The following TAB2 variants were observed in gnomAD, a reference collection of about 807,000 sequenced individuals.
The protein encoded by TAB2 is TGF-beta-activated kinase 1 and MAP3K7-binding protein 2.
Under a neutral mutation model 65.0 loss-of-function variants are expected in TAB2, and 3 were observed. The ratio of observed to expected loss-of-function variants is 0.05; its 90% CI spans 0.02 to 0.12. The LOEUF (loss-of-function observed/expected upper bound fraction) is 0.12. Ranked by LOEUF, TAB2 falls within the 10% of genes least tolerant of loss-of-function variation. The pLI is 1.00. For synonymous variants in TAB2, 298 were observed against 285.1 expected (o/e 1.05, Z -0.46); for missense variants, 623 against 840.3 (o/e 0.74, Z 3.20).
intron 1 of TAB2, among the ~76,000 whole-genome samples, chr6:149,285,305 G>A (rs113260113): frequency 0.044 from 6,762 of 152,272 alleles, 182 homozygotes; most frequent in Non-Finnish European, 0.069. Context: ...GGTAAAGAGA[G>A]AAAGCTAGAA....
At chr6:149,293,155 T>C (rs1436066010) in intron 1 of TAB2, among the ~76,000 whole-genome samples, 1 of 152,200 alleles carries the variant, frequency 6.6e-6, no homozygotes, top group Non-Finnish European at 1.5e-5. Flanking sequence ...ATTAGAAAAC[T>C]TCTGATTTCT....
exon 1 of TAB2, chr6:149,218,754 A>G (rs570940833): frequency 1.1e-5 from 5 of 456,184 alleles, no homozygotes; most frequent in African/African-American, 8.0e-5. Flanking sequence ...TATTCCTCCA[A>G]AGCAAACCAA....
At chr6:149,339,844 C>T (rs886280265) in intron 1 of TAB2, among the ~76,000 whole-genome samples, 1 of 151,992 alleles carries the variant, frequency 6.6e-6, no homozygotes, top group Non-Finnish European at 1.5e-5. Context: ...CTCAGGTGAT[C>T]CACCCGCCTC....
intron 1 of TAB2, among the ~76,000 whole-genome samples, chr6:149,301,990 T>C (rs77370142): frequency 1.4e-4 from 21 of 152,236 alleles, no homozygotes; most frequent in Admixed American, 9.2e-4. Context: ...AAATTAAGCC[T>C]ATCTCCAAAA....
At chr6:149,291,988 T>C (rs1280929220) in intron 1 of TAB2, among the ~76,000 whole-genome samples, 1 of 152,208 alleles carries the variant, frequency 6.6e-6, no homozygotes, top group Non-Finnish European at 1.5e-5. Flanking sequence ...CCCTTGAAAG[T>C]TTATAGTCTA....
At chr6:149,373,746 A>G (rs1386370798) in intron 2 of TAB2, among the ~76,000 whole-genome samples, 2 of 152,206 alleles carry the variant, frequency 1.3e-5, no homozygotes, top group African/African-American at 2.4e-5. Context: ...GTGATTTTCC[A>G]CCTTCTAAAA....
intron 1 of TAB2, among the ~76,000 whole-genome samples, chr6:149,339,589 ATTTATTTATTTATTTATT>A (rs1780041049): frequency 6.4e-5 from 2 of 31,442 alleles, no homozygotes; most frequent in Non-Finnish European, 1.2e-4. Context: ...AATCTTTTTT[ATTTATTTATTTATTTATT>A]TTTTTTTTTT....
chr6:149,230,404 C>T lies in TAB2; in HGVS notation c.-121+11628C>T, dbSNP rs1401937404. Among the ~76,000 whole-genome samples the T allele has an allele frequency of 2.0e-5, 3 of 152,278 alleles. No individual in the cohort carries two copies. The East Asian group carries it at 5.8e-4, about 29-fold the overall frequency. ...AGCTCCACAAGTCTGAGAATCACAG[C>T]TTTTATGCCCAGTAAGTCCACGCTT... On this transcript the variant is annotated intron_variant, in intron 1 of 1. Transcript: ENST00000606202.
chr6:149,274,115 T>G (rs1260360875), intron 1 of TAB2, among the ~76,000 whole-genome samples: 1 of 152,196 alleles, frequency 6.6e-6, no homozygotes, highest in African/African-American at 2.4e-5. Context: ...AATCCATAAC[T>G]CAAAAGTGTG....
chr6:149,337,528 A>T (rs1779970952), intron 1 of TAB2, among the ~76,000 whole-genome samples: 1 of 152,174 alleles, frequency 6.6e-6, no homozygotes, highest in African/African-American at 2.4e-5. Context: ...GTTTTGTTTC[A>T]GTTACAGAAT....
chr6:149,399,440 C>G (rs1782290357), intron 6 of TAB2, among the ~76,000 whole-genome samples: 3 of 151,944 alleles, frequency 2.0e-5, no homozygotes, highest in African/African-American at 7.3e-5. Flanking sequence ...CCAATAATAG[C>G]AAGTCTTGGT....
intron 1 of TAB2, among the ~76,000 whole-genome samples, chr6:149,274,711 C>T (rs373110765): frequency 9.8e-5 from 15 of 152,292 alleles, no homozygotes; most frequent in African/African-American, 3.6e-4. Flanking sequence ...GAGTTCCAGA[C>T]AAAGTGAGGA....
At chr6:149,290,916 C>A (rs1002846116) in intron 1 of TAB2, among the ~76,000 whole-genome samples, 1 of 152,162 alleles carries the variant, frequency 6.6e-6, no homozygotes. Flanking sequence ...GGCTGTTGAA[C>A]GAATGAATTA....
chr6:149,360,369 T>TA (rs1242935348), intron 1 of TAB2, among the ~76,000 whole-genome samples: 4 of 152,282 alleles, frequency 2.6e-5, no homozygotes, highest in East Asian at 3.9e-4. Flanking sequence ...TCAGGAAGCT[T>TA]ACAATCATGG....
chr6:149,299,271 C>G (rs1390685196), intron 1 of TAB2, among the ~76,000 whole-genome samples: 1 of 152,106 alleles, frequency 6.6e-6, no homozygotes, highest in Non-Finnish European at 1.5e-5. Context: ...TATCAGCAGC[C>G]GTTATAATTC....
At chr6:149,263,981 C>T (rs1450887417) in intron 1 of TAB2, among the ~76,000 whole-genome samples, 2 of 152,198 alleles carry the variant, frequency 1.3e-5, no homozygotes, top group Non-Finnish European at 2.9e-5. Context: ...CTGCCAGCTC[C>T]CAGGGAGGAT....
At chr6:149,403,953 G>A (rs561198617) in intron 6 of TAB2, among the ~76,000 whole-genome samples, 1 of 152,042 alleles carries the variant, frequency 6.6e-6, no homozygotes, top group African/African-American at 2.4e-5. Context: ...GGTTTGGGGA[G>A]GACAAACATC....
chr6:149,287,386 C>A (rs1376365412), intron 1 of TAB2, among the ~76,000 whole-genome samples: 1 of 151,756 alleles, frequency 6.6e-6, no homozygotes, highest in Non-Finnish European at 1.5e-5. Flanking sequence ...TATGCCCGAA[C>A]TAGAAATGCT....
chr6:149,287,071 G>A (rs1294026887), intron 1 of TAB2, among the ~76,000 whole-genome samples: 7 of 152,084 alleles, frequency 4.6e-5, no homozygotes, highest in East Asian at 1.9e-4. Flanking sequence ...GAGCCGAGAC[G>A]GAGCCACTGC....
Sources: allele counts gnomAD v4.1 joint callset (sites outside exome capture counted in the v4.1 genomes callset), GRCh38; gene constraint gnomAD v4.1.1; transcripts MANE v1.5; gene names NCBI Gene and HGNC (gene_info 2026-07-23, HGNC 2026-07-21).